Variants in MEIS1 observed in about 807,000 individuals in gnomAD.
MEIS1 encodes the protein homeobox protein Meis1.
MEIS1 carries 5 observed loss-of-function variants against 50.8 expected under a neutral mutation model. That is an observed-to-expected ratio of 0.10 (90% CI 0.05 to 0.21). The LOEUF (loss-of-function observed/expected upper bound fraction) is 0.21, where lower values mean the gene tolerates loss of function less well. MEIS1 is among the 10% of genes least tolerant of loss of function. MEIS1 has a pLI of 1.00. For missense variants in MEIS1, 318 were observed against 517.3 expected (o/e 0.61, Z 3.74); for synonymous variants, 176 against 179.3 (o/e 0.98, Z 0.15).
At position 66,440,061 on chromosome 2, in the gene MEIS1, G is replaced by A. The variant is rs760170532; in HGVS notation, c.381+77G>A. ...TTCGCCAACACACACGCGCGCGCGC[G>A]CGCGCGAACACACACACACACACAC... is the stretch of plus-strand genomic sequence containing the variant. On this transcript the variant is annotated intron_variant, in intron 3 of 12. Coordinates refer to ENST00000272369, the MANE Select transcript of MEIS1 (RefSeq NM_002398.3). 23 of 1,202,436 alleles carry A rather than the reference G, an allele frequency of 1.9e-5. No individual in the cohort carries two copies. The African/African-American group carries it at 6.6e-4, about 34-fold the overall frequency. The allele number at this position is 1,202,436 out of a possible 1,614,324, so 74.5% of individuals were successfully genotyped here.
chr2:66,521,794 G>A (rs753722141), intron 8 of MEIS1, among the ~76,000 whole-genome samples: 2 of 152,176 alleles, frequency 1.3e-5, no homozygotes, highest in Non-Finnish European at 2.9e-5. Flanking sequence ...TGCGTATAAT[G>A]CTGGCAAATC....
intron 7 of MEIS1, among the ~76,000 whole-genome samples, chr2:66,489,231 T>C (rs1291382111): frequency 1.3e-5 from 2 of 152,202 alleles, no homozygotes; most frequent in East Asian, 3.8e-4. Context: ...CAAGGACATA[T>C]TACCAAGAAA....
intron 7 of MEIS1, among the ~76,000 whole-genome samples, chr2:66,492,946 GC>G (rs1346958862): frequency 6.6e-6 from 1 of 152,124 alleles, no homozygotes; most frequent in African/African-American, 2.4e-5. Flanking sequence ...TAGCACCCAT[GC>G]CCACACAGGT....
intron 8 of MEIS1, among the ~76,000 whole-genome samples, chr2:66,515,453 A>G (rs1673941610): frequency 6.6e-6 from 1 of 152,160 alleles, no homozygotes; most frequent in Non-Finnish European, 1.5e-5. Context: ...CAGCTACATG[A>G]GAAGAAAAAT....
At chr2:66,469,308 C>A (rs1258367559) in intron 7 of MEIS1, among the ~76,000 whole-genome samples, 1 of 152,132 alleles carries the variant, frequency 6.6e-6, no homozygotes, top group African/African-American at 2.4e-5. Context: ...ACTGCCCCAT[C>A]CCCCTCCACA....
intron 8 of MEIS1, among the ~76,000 whole-genome samples, chr2:66,523,379 A>G (rs761844066): frequency 3.3e-5 from 5 of 152,256 alleles, no homozygotes; most frequent in Non-Finnish European, 7.3e-5. Context: ...ATTCTCCTAT[A>G]TTAAATTACA....
At chr2:66,488,930 T>C (rs572657298) in intron 7 of MEIS1, among the ~76,000 whole-genome samples, 1 of 152,340 alleles carries the variant, frequency 6.6e-6, no homozygotes, top group South Asian at 2.1e-4. Context: ...AATGTAAATA[T>C]ACTGCTGCTT....
intron 7 of MEIS1, among the ~76,000 whole-genome samples, chr2:66,495,108 TA>T (rs1450312294): frequency 4.5e-4 from 50 of 110,466 alleles, no homozygotes; most frequent in African/African-American, 1.7e-3. Flanking sequence ...TTTTTTTTTT[TA>T]AACTAAGGAA....
intron 8 of MEIS1, among the ~76,000 whole-genome samples, chr2:66,525,384 T>G (rs1036832148): frequency 6.6e-6 from 1 of 152,178 alleles, no homozygotes; most frequent in African/African-American, 2.4e-5. Flanking sequence ...GTGCTGCTGG[T>G]CCACAGACTG....
chr2:66,532,057 T>C (rs1674405495), intron 8 of MEIS1, among the ~76,000 whole-genome samples: 1 of 152,074 alleles, frequency 6.6e-6, no homozygotes, highest in African/African-American at 2.4e-5. Context: ...CCAGTTTTAG[T>C]GGGTAAAAGG....
intron 6 of MEIS1, among the ~76,000 whole-genome samples, chr2:66,446,596 C>T (rs1011252570): frequency 6.6e-6 from 1 of 152,166 alleles, no homozygotes; most frequent in African/African-American, 2.4e-5. Flanking sequence ...CCGGGGGGTC[C>T]TCGTCTGAAT....
intron 6 of MEIS1, among the ~76,000 whole-genome samples, chr2:66,449,825 G>A (rs537876066): frequency 6.6e-6 from 1 of 152,248 alleles, no homozygotes; most frequent in African/African-American, 2.4e-5. Context: ...GAAAATACAA[G>A]AGTGCAAATA....
At chr2:66,482,264 A>G (rs924136444) in intron 7 of MEIS1, among the ~76,000 whole-genome samples, 1 of 152,158 alleles carries the variant, frequency 6.6e-6, no homozygotes, top group Non-Finnish European at 1.5e-5. Context: ...TCATGCATTC[A>G]GATTCTGAAA....
At chr2:66,451,594 T>C (rs892777063) in intron 6 of MEIS1, among the ~76,000 whole-genome samples, 11 of 152,104 alleles carry the variant, frequency 7.2e-5, no homozygotes, top group African/African-American at 2.4e-4. Flanking sequence ...GGATGTGTTT[T>C]CGAATATTAA....
chr2:66,478,515 C>G (rs1008039000), intron 7 of MEIS1, among the ~76,000 whole-genome samples: 1 of 152,180 alleles, frequency 6.6e-6, no homozygotes, highest in Non-Finnish European at 1.5e-5. Context: ...ATGTGCTGCC[C>G]AGATCCAAAT....
intron 8 of MEIS1, among the ~76,000 whole-genome samples, chr2:66,528,456 C>A (rs1189701935): frequency 6.6e-6 from 1 of 152,120 alleles, no homozygotes; most frequent in Non-Finnish European, 1.5e-5. Flanking sequence ...ACTGGCTCTC[C>A]TTGCTGTCAG....
intron 7 of MEIS1, among the ~76,000 whole-genome samples, chr2:66,501,342 A>C (rs1469359314): frequency 6.6e-6 from 1 of 152,154 alleles, no homozygotes; most frequent in Non-Finnish European, 1.5e-5. Context: ...CCAATAATGT[A>C]AATGTATAGA....
intron 8 of MEIS1, among the ~76,000 whole-genome samples, chr2:66,525,447 T>C (rs1674226919): frequency 6.6e-6 from 1 of 152,214 alleles, no homozygotes; most frequent in South Asian, 2.1e-4. Context: ...AGATTTTAAA[T>C]GGAAAGATGA....
chr2:66,550,018 G>A (rs1010221013), intron 9 of MEIS1, among the ~76,000 whole-genome samples: 26 of 152,186 alleles, frequency 1.7e-4, no homozygotes, highest in Admixed American at 1.4e-3. Context: ...ATCACAATTC[G>A]ACTTTCTCAG....
Sources: gnomAD v4.1 joint callset for allele counts (sites outside exome capture counted in the v4.1 genomes callset) on GRCh38, gnomAD v4.1.1 for gene constraint, MANE v1.5 for transcripts, NCBI Gene and HGNC (gene_info 2026-07-23, HGNC 2026-07-21) for gene names.